Variants in TMLHE observed in about 807,000 individuals in gnomAD.
The protein encoded by TMLHE is trimethyllysine hydroxylase, epsilon, also known as trimethyllysine dioxygenase, mitochondrial.
In TMLHE, 18 loss-of-function variants were observed where a neutral mutation model predicts 25.7. That is an observed-to-expected ratio of 0.70 (90% CI 0.48 to 1.04). The LOEUF is 1.04. Among genes scored for constraint, TMLHE ranks in the 50% least tolerant of loss-of-function variants. The pLI, the probability that TMLHE is intolerant of heterozygous loss-of-function variation, is 0.00. For synonymous variants in TMLHE, 105 were observed against 97.0 expected, an observed-to-expected ratio of 1.08 and a Z score of -0.49; for missense variants, 236 against 259.0, an observed-to-expected ratio of 0.91 and a Z score of 0.61.
intron 3 of TMLHE, among the ~76,000 whole-genome samples, chrX:155,523,857 C>T (rs1332400550): frequency 4.5e-5 from 5 of 111,788 alleles, no homozygotes; most frequent in African/African-American, 6.5e-5. Flanking sequence ...TTTTATCATA[C>T]AGATCCTATA....
chrX:155,611,006 C>T (rs1217693528), intron 1 of TMLHE, among the ~76,000 whole-genome samples: 2 of 111,776 alleles, frequency 1.8e-5, no homozygotes, highest in African/African-American at 3.3e-5. Flanking sequence ...AAGGCAGACA[C>T]CAGGTCCTGC....
chrX:155,560,196 C>G (rs6642294), intron 1 of TMLHE, among the ~76,000 whole-genome samples: 1,493 of 111,969 alleles, frequency 0.013, 24 homozygotes, highest in African/African-American at 0.046. Context: ...ACTGCCTTCT[C>G]TGCTTACCAT....
intron 2 of TMLHE, among the ~76,000 whole-genome samples, chrX:155,532,668 C>CGT (rs33944459): frequency 0.11 from 9,660 of 85,914 alleles, 505 homozygotes; most frequent in Middle Eastern, 0.17. Context: ...ATGCAAAATT[C>CGT]GTGTGTGTGT....
chrX:155,543,145 C>A (rs781860103), intron 2 of TMLHE, among the ~76,000 whole-genome samples: 1 of 111,115 alleles, frequency 9.0e-6, no homozygotes, highest in South Asian at 3.8e-4. Context: ...AGGAACAAGA[C>A]AATGATGTTC....
chrX:155,551,669 G>A (rs1752724965), intron 1 of TMLHE, among the ~76,000 whole-genome samples: 1 of 109,491 alleles, frequency 9.1e-6, no homozygotes, highest in African/African-American at 3.4e-5. Flanking sequence ...TTTTCCATCT[G>A]TTCATTCATT....
At position 155,560,593 on chromosome X, in the gene TMLHE, GA is replaced by G. The variant is rs1262958039; in HGVS notation, c.-1-15317del. 3.6e-5 allele frequency among the ~76,000 whole-genome samples: 2 copies of G among 54,995 alleles called. 1 individual carries two copies. The highest frequency in any genetic ancestry group is 1.1e-4 in the Non-Finnish European group (2 of 18,795). The allele number at this position is 54,995 out of a possible 115,157, so 47.8% of individuals were successfully genotyped here. A position where few individuals can be genotyped will look rare whatever the true frequency, so the allele number is the denominator to read the frequency against. On this transcript the variant is annotated intron_variant, in intron 1 of 7. Transcript: ENST00000334398. Reference sequence around the variant, plus strand: ...GATCAAAGGAGGAGTTAGTCATAAGGATATCTGGGGTAAAGTAGACTAGGCA... The same window carrying G: ...GATCAAAGGAGGAGTTAGTCATAAGGTATCTGGGGTAAAGTAGACTAGGCA...
At chrX:155,536,829 T>A (rs1351112760) in intron 2 of TMLHE, among the ~76,000 whole-genome samples, 3 of 112,174 alleles carry the variant, frequency 2.7e-5, no homozygotes, top group African/African-American at 9.7e-5. Context: ...GGACTCTACA[T>A]CTTACATTGA....
chrX:155,604,722 G>T (rs189641169), intron 1 of TMLHE, among the ~76,000 whole-genome samples: 1 of 111,698 alleles, frequency 9.0e-6, no homozygotes, highest in African/African-American at 3.3e-5. Context: ...GGAGTCATGT[G>T]GCTGAGCAAG....
intron 1 of TMLHE, among the ~76,000 whole-genome samples, chrX:155,560,229 C>G (rs890829557): frequency 9.0e-5 from 10 of 111,150 alleles, no homozygotes; most frequent in African/African-American, 3.3e-4. Context: ...ATTCTTCCTG[C>G]TCGTTCCTTA....
intron 1 of TMLHE, among the ~76,000 whole-genome samples, chrX:155,549,685 ATGTG>A (rs1408193915): frequency 6.4e-5 from 7 of 109,308 alleles, no homozygotes; most frequent in Admixed American, 9.8e-5. Context: ...TGGTGTGTGT[ATGTG>A]TGTGTGTCAT....
intron 1 of TMLHE, among the ~76,000 whole-genome samples, chrX:155,547,218 C>T (rs2067353032): frequency 1.1e-5 from 1 of 92,600 alleles, no homozygotes; most frequent in Non-Finnish European, 2.2e-5. Context: ...TATCTCGGCT[C>T]ACTGCAAGCT....
chrX:155,528,017 G>A (rs1256690062), intron 2 of TMLHE, among the ~76,000 whole-genome samples: 7 of 110,904 alleles, frequency 6.3e-5, no homozygotes, highest in African/African-American at 1.3e-4. Context: ...CAGAAGTGAC[G>A]GGCAAACGTA....
chrX:155,539,344 C>T lies in TMLHE; in HGVS notation c.181+5752G>A, dbSNP rs186713708. Among the ~76,000 whole-genome samples the T allele has an allele frequency of 6.3e-5, 7 of 111,533 alleles. No individual in the cohort carries two copies. In the East Asian group the frequency reaches 2.0e-3, roughly 31 times the overall value. On this transcript the variant is annotated intron_variant, in intron 2 of 7. Transcript: ENST00000334398. The stretch of plus-strand genomic sequence containing the variant: ...CCAGAGTCTGTAGACCACAGACAGA[C>T]ATTATGTGGAGCTCCAATACCCTAG...
intron 1 of TMLHE, among the ~76,000 whole-genome samples, chrX:155,606,879 T>C (rs2067790345): frequency 9.3e-6 from 1 of 107,061 alleles, no homozygotes; most frequent in South Asian, 4.0e-4. Context: ...AATAAACTGA[T>C]AAATTCCTGG....
chrX:155,509,419 C>T (rs1344858630), intron 5 of TMLHE, among the ~76,000 whole-genome samples: 1 of 111,632 alleles, frequency 9.0e-6, no homozygotes, highest in Admixed American at 9.5e-5. Flanking sequence ...AGCCTGAACT[C>T]TTAAGTGCTA....
intron 1 of TMLHE, among the ~76,000 whole-genome samples, chrX:155,567,752 G>A (rs1315889887): frequency 1.6e-5 from 1 of 61,933 alleles, no homozygotes; most frequent in African/African-American, 3.6e-5. Context: ...CATTTTAAAT[G>A]TACAGTGGAA....
At chrX:155,514,687 G>T (rs186761889) in intron 3 of TMLHE, among the ~76,000 whole-genome samples, 58 of 110,627 alleles carry the variant, frequency 5.2e-4, no homozygotes, top group African/African-American at 1.8e-3. Flanking sequence ...TTATTTTACA[G>T]ATGGAGAAAA....
chrX:155,581,822 A>G (rs2067630522), intron 1 of TMLHE, among the ~76,000 whole-genome samples: 1 of 112,183 alleles, frequency 8.9e-6, no homozygotes, highest in African/African-American at 3.2e-5. Context: ...TGAAAAAACT[A>G]CTTTAAAGTC....
At chrX:155,558,779 CT>C (rs1291487570) in intron 1 of TMLHE, among the ~76,000 whole-genome samples, 2 of 111,388 alleles carry the variant, frequency 1.8e-5, no homozygotes, top group African/African-American at 6.5e-5. Context: ...AATTATATTA[CT>C]TTTATAACCC....
Sources: gnomAD v4.1 joint callset for allele counts (sites outside exome capture counted in the v4.1 genomes callset) on GRCh38, gnomAD v4.1.1 for gene constraint, MANE v1.5 for transcripts, NCBI Gene and HGNC (gene_info 2026-07-23, HGNC 2026-07-21) for gene names.